RALYL: variants seen among roughly 807,000 people sequenced by gnomAD.
The protein encoded by RALYL is RNA-binding Raly-like protein.
RALYL carries 29 observed loss-of-function variants against 35.1 expected under a neutral mutation model. That is an observed-to-expected ratio of 0.83 (90% CI 0.61 to 1.13). RALYL has a LOEUF of 1.13. Among genes scored for constraint, RALYL ranks in the 50% most tolerant of loss-of-function variants. The pLI is 0.00. For synonymous variants in RALYL, 120 were observed against 127.6 expected (o/e 0.94, Z 0.40); for missense variants, 359 against 360.4 (o/e 1.00, Z 0.03).
intron 1 of RALYL, among the ~76,000 whole-genome samples, chr8:84,328,640 G>T (rs1227232863): frequency 6.6e-6 from 1 of 152,154 alleles, no homozygotes; most frequent in South Asian, 2.1e-4. Context: ...TAGACTTGGG[G>T]GTACATGTGC....
At chr8:84,209,995 T>C (rs1018224230) in intron 1 of RALYL, among the ~76,000 whole-genome samples, 3 of 152,120 alleles carry the variant, frequency 2.0e-5, no homozygotes, top group Non-Finnish European at 4.4e-5. Flanking sequence ...ACTTTTCTCA[T>C]ATGGAAAACT....
At chr8:84,425,823 G>T (rs2046365300) in intron 1 of RALYL, among the ~76,000 whole-genome samples, 1 of 149,562 alleles carries the variant, frequency 6.7e-6, no homozygotes, top group Admixed American at 6.7e-5. Context: ...GTGTGTGTGT[G>T]TAAGTTGCTT....
At chr8:84,659,017 C>T (rs1830433000) in intron 2 of RALYL, among the ~76,000 whole-genome samples, 1 of 152,080 alleles carries the variant, frequency 6.6e-6, no homozygotes, top group South Asian at 2.1e-4. Flanking sequence ...AGACAGCTTA[C>T]TACAAGTGGG....
chr8:84,495,684 A>G (rs1376127964), intron 1 of RALYL, among the ~76,000 whole-genome samples: 3 of 152,058 alleles, frequency 2.0e-5, no homozygotes, highest in Admixed American at 2.0e-4. Flanking sequence ...TTACTCTGAA[A>G]ACTTTGGGTA....
intron 1 of RALYL, among the ~76,000 whole-genome samples, chr8:84,307,520 T>C (rs1178356370): frequency 6.6e-6 from 1 of 152,230 alleles, no homozygotes; most frequent in East Asian, 1.9e-4. Context: ...TTTAAATTAT[T>C]TCATTGATTA....
intron 2 of RALYL, among the ~76,000 whole-genome samples, chr8:84,714,954 G>T (rs1842742333): frequency 1.3e-5 from 2 of 148,846 alleles, no homozygotes; most frequent in South Asian, 2.1e-4. Flanking sequence ...GATATATAAG[G>T]TTAAACTTCC....
At chr8:84,273,150 C>T (rs1834654687) in intron 1 of RALYL, among the ~76,000 whole-genome samples, 1 of 152,232 alleles carries the variant, frequency 6.6e-6, no homozygotes, top group Admixed American at 6.5e-5. Context: ...CACTTGAAAA[C>T]ACCAACCACT....
intron 1 of RALYL, among the ~76,000 whole-genome samples, chr8:84,239,355 C>G (rs1282904257): frequency 3.3e-5 from 5 of 152,104 alleles, no homozygotes; most frequent in Non-Finnish European, 5.9e-5. Flanking sequence ...CTATCAGAAC[C>G]AGGAAATGTA....
intron 6 of RALYL, among the ~76,000 whole-genome samples, chr8:84,863,425 G>A (rs1177771883): frequency 6.6e-6 from 1 of 152,178 alleles, no homozygotes; most frequent in East Asian, 1.9e-4. Context: ...TGGGGATCAG[G>A]TCAGAGAGTT....
At chr8:84,722,119 CAT>C (rs900173264) in intron 2 of RALYL, among the ~76,000 whole-genome samples, 19 of 151,906 alleles carry the variant, frequency 1.3e-4, no homozygotes, top group African/African-American at 4.6e-4. Flanking sequence ...AAATTTCTAA[CAT>C]AAAAGCTTAG....
intron 2 of RALYL, among the ~76,000 whole-genome samples, chr8:84,641,123 T>C (rs991544127): frequency 7.3e-5 from 11 of 151,418 alleles, no homozygotes; most frequent in Non-Finnish European, 1.6e-4. Context: ...AAAATTATTA[T>C]CTTTTCTTTA....
At chr8:84,479,141 G>C (rs1286881393) in intron 1 of RALYL, among the ~76,000 whole-genome samples, 2 of 125,112 alleles carry the variant, frequency 1.6e-5, no homozygotes, top group African/African-American at 5.8e-5. Flanking sequence ...ACAGGGTTCT[G>C]TATATCCTTT....
chr8:84,791,473 T>C (rs1393112440), intron 3 of RALYL, among the ~76,000 whole-genome samples: 1 of 152,170 alleles, frequency 6.6e-6, no homozygotes, highest in African/African-American at 2.4e-5. Context: ...GGTTTCACTC[T>C]GAGTAAAATA....
At chr8:84,260,221 G>A (rs1276274633) in intron 1 of RALYL, among the ~76,000 whole-genome samples, 4 of 152,132 alleles carry the variant, frequency 2.6e-5, no homozygotes, top group Non-Finnish European at 5.9e-5. Flanking sequence ...CTGCACATGT[G>A]CCTCCAGAAC....
intron 2 of RALYL, among the ~76,000 whole-genome samples, chr8:84,599,715 A>G (rs1268680265): frequency 6.6e-6 from 1 of 151,902 alleles, no homozygotes; most frequent in East Asian, 1.9e-4. Context: ...CCTCTCCCTC[A>G]ACAACAACAA....
chr8:84,687,753 G>C (rs1837123902), intron 2 of RALYL, among the ~76,000 whole-genome samples: 2 of 151,998 alleles, frequency 1.3e-5, no homozygotes, highest in African/African-American at 4.8e-5. Context: ...CAAAAATTCT[G>C]TAATTTTTTT....
At chr8:84,263,794 G>T (rs1832752880) in intron 1 of RALYL, among the ~76,000 whole-genome samples, 1 of 151,986 alleles carries the variant, frequency 6.6e-6, no homozygotes, top group Non-Finnish European at 1.5e-5. Context: ...GCCCAAGTGT[G>T]GGTTGTTCCT....
At chr8:84,443,508 C>T (rs1366400144) in intron 1 of RALYL, among the ~76,000 whole-genome samples, 1 of 152,108 alleles carries the variant, frequency 6.6e-6, no homozygotes, top group Non-Finnish European at 1.5e-5. Flanking sequence ...CAAGGAATCT[C>T]ATCACAGTTG....
At chr8:84,287,046 T>C (rs1044482616) in intron 1 of RALYL, among the ~76,000 whole-genome samples, 15 of 152,340 alleles carry the variant, frequency 9.8e-5, no homozygotes, top group African/African-American at 3.6e-4. Flanking sequence ...TAAGCTACTG[T>C]TACTTTCTTG....
Sources: gnomAD v4.1 joint callset for allele counts (sites outside exome capture counted in the v4.1 genomes callset) on GRCh38, gnomAD v4.1.1 for gene constraint, MANE v1.5 for transcripts, NCBI Gene and HGNC (gene_info 2026-07-23, HGNC 2026-07-21) for gene names.